The following SNTB2 variants were observed in gnomAD, a reference collection of about 807,000 sequenced individuals.
SNTB2 encodes beta-2-syntrophin.
SNTB2 carries 34 observed loss-of-function variants against 46.2 expected under a neutral mutation model. That is an observed-to-expected ratio of 0.74 (90% confidence interval 0.56 to 0.98). The LOEUF (loss-of-function observed/expected upper bound fraction) is 0.98. SNTB2 is among the 50% of genes least tolerant of loss of function. The probability of loss-of-function intolerance (pLI) is 0.00; values close to 1 mark genes in which losing one functional copy is unlikely to be tolerated. For missense variants in SNTB2, 603 were observed against 731.4 expected, an observed-to-expected ratio of 0.82 and a Z score of 2.02; for synonymous variants, 290 against 312.6, an observed-to-expected ratio of 0.93 and a Z score of 0.76.
In SNTB2 at chr16:69,298,643, T is replaced by C. The variant is rs182158473; in HGVS notation, c.1346-947T>C. Among the ~76,000 whole-genome samples, 466 of 146,500 alleles carry C rather than the reference T, an allele frequency of 3.2e-3. 3 individuals are homozygous for C. The highest frequency in any genetic ancestry group is 5.1e-3 in the Admixed American group (74 of 14,420). ...TGCAAGCAGTTATCCTGCCTCAGCC[T>C]CCCAAGTAGCTGGGATTACAGGCAT... On this transcript the variant is annotated intron_variant, in intron 5 of 6. Coordinates refer to ENST00000336278, the MANE Select transcript of SNTB2 (RefSeq NM_006750.4).
chr16:69,208,142 C>A (rs1408821928), intron 1 of SNTB2, among the ~76,000 whole-genome samples: 3 of 137,728 alleles, frequency 2.2e-5, no homozygotes, highest in African/African-American at 8.1e-5. Flanking sequence ...CACGGTGGCT[C>A]ATGCCTGTAA....
rs887165599 is a variant in SNTB2 at position 69,270,573 on chromosome 16, G to GT, written c.1148+297dup. On this transcript the variant is annotated intron_variant, in intron 4 of 6. Coordinates refer to ENST00000336278, the MANE Select transcript of SNTB2 (RefSeq NM_006750.4). ...CTTGCTTAGTCATGAAGATTATAGGGTTTTTTTTTCTTTATTTTATTGACT... is the reference window on the plus strand; with the variant it reads ...CTTGCTTAGTCATGAAGATTATAGGGTTTTTTTTTTCTTTATTTTATTGACT... 7.7e-4 allele frequency among the ~76,000 whole-genome samples: 116 copies of GT among 151,358 alleles called. 2 individuals are homozygous for GT. Among genetic ancestry groups the GT allele is most frequent in the Middle Eastern group, 6.8e-3 (2 of 292 alleles).
chr16:69,247,500 T>C (rs1007418414), intron 2 of SNTB2, among the ~76,000 whole-genome samples: 10 of 152,182 alleles, frequency 6.6e-5, no homozygotes, highest in Admixed American at 2.0e-4. Flanking sequence ...CAGGATGGAA[T>C]GGAGCACAGA....
At chr16:69,213,733 T>G (rs1434989679) in intron 1 of SNTB2, among the ~76,000 whole-genome samples, 5 of 149,728 alleles carry the variant, frequency 3.3e-5, no homozygotes, top group Non-Finnish European at 5.9e-5. Context: ...CTCCTGACCT[T>G]GTGTTCCACC....
intron 1 of SNTB2, among the ~76,000 whole-genome samples, chr16:69,193,794 G>A (rs1223007209): frequency 2.0e-5 from 3 of 152,114 alleles, no homozygotes; most frequent in Non-Finnish European, 2.9e-5. Flanking sequence ...GACAGGTCTC[G>A]GGACTTCAGG....
chr16:69,288,040 A>T (rs1038145977), intron 5 of SNTB2, among the ~76,000 whole-genome samples: 1 of 150,842 alleles, frequency 6.6e-6, no homozygotes, highest in Non-Finnish European at 1.5e-5. Context: ...AATGAGGTTT[A>T]AAAAAAAATA....
chr16:69,260,048 A>G lies in SNTB2; in HGVS notation c.795-2A>G. On this transcript the variant is annotated splice_acceptor_variant, in intron 2 of 6. Transcript: ENST00000336278. LOFTEE classifies it high-confidence loss of function. ...CTTTTTTTTTTTTCTTTTTCCACAC[A>G]GATTGATAGAGCTACATTCTCCTGA... 1.2e-6 allele frequency: 2 copies of G among 1,612,000 alleles called. No homozygotes were observed. Among genetic ancestry groups the G allele is most frequent in the Non-Finnish European group, 1.7e-6 (2 of 1,178,762 alleles).
chr16:69,242,890 G>A (rs1000065342), intron 1 of SNTB2, among the ~76,000 whole-genome samples: 5 of 151,980 alleles, frequency 3.3e-5, no homozygotes, highest in East Asian at 1.9e-4. Context: ...GCGTGGTGGC[G>A]GGCGCCTGTA....
At chr16:69,281,062 T>C (rs138420937) in intron 4 of SNTB2, among the ~76,000 whole-genome samples, 3,219 of 152,290 alleles carry the variant, frequency 0.021, 120 homozygotes, top group African/African-American at 0.073. Flanking sequence ...CCCAAAGTGC[T>C]GGGATTACAG....
At position 69,305,391 on chromosome 16, in the gene SNTB2, G is replaced by A. The variant is rs933716229; in HGVS notation, c.*4467G>A. The A allele has an allele frequency of 6.6e-6, 1 of 152,154 alleles. No homozygotes were observed. Among genetic ancestry groups the A allele is most frequent in the African/African-American group, 2.4e-5 (1 of 41,412 alleles). 9.4% of individuals were successfully genotyped at this position (152,154 alleles called of 1,614,324 possible). The stretch of plus-strand genomic sequence containing the variant: ...TTTCACTGGTTATAAGCTATTCCTT[G>A]TACATAATATTTAAACTATCCAAAT... On this transcript the variant is annotated 3_prime_UTR_variant, in exon 7 of 7. Transcript: ENST00000336278.
At chr16:69,221,767 C>T (rs1176957292) in intron 1 of SNTB2, among the ~76,000 whole-genome samples, 1 of 151,988 alleles carries the variant, frequency 6.6e-6, no homozygotes, top group Non-Finnish European at 1.5e-5. Flanking sequence ...CAGAATAAGA[C>T]TCTCTCTCAA....
intron 4 of SNTB2, among the ~76,000 whole-genome samples, chr16:69,282,745 T>G (rs914489378): frequency 1.3e-5 from 2 of 152,242 alleles, no homozygotes; most frequent in Non-Finnish European, 2.9e-5. Context: ...TTGATTTATT[T>G]AGATCATCTT....
At chr16:69,204,186 C>G (rs940995164) in intron 1 of SNTB2, among the ~76,000 whole-genome samples, 1 of 152,204 alleles carries the variant, frequency 6.6e-6, no homozygotes, top group Non-Finnish European at 1.5e-5. Context: ...GCTACTGTGC[C>G]TGGCCAGAAT....
At chr16:69,264,788 G>A (rs1466351887) in intron 3 of SNTB2, among the ~76,000 whole-genome samples, 3 of 152,076 alleles carry the variant, frequency 2.0e-5, no homozygotes, top group Admixed American at 6.6e-5. Flanking sequence ...CTCTTTGACA[G>A]CCTTATGCCA....
At chr16:69,194,234 A>G (rs546055977) in intron 1 of SNTB2, among the ~76,000 whole-genome samples, 3 of 152,300 alleles carry the variant, frequency 2.0e-5, no homozygotes, top group South Asian at 4.1e-4. Context: ...TATGCATGCT[A>G]TACATCTGCC....
intron 2 of SNTB2, among the ~76,000 whole-genome samples, chr16:69,250,070 C>T (rs865932119): frequency 5.9e-5 from 9 of 151,936 alleles, no homozygotes; most frequent in Non-Finnish European, 1.3e-4. Flanking sequence ...CTTTGCAAAA[C>T]TCTGTCTCAA....
In SNTB2 at chr16:69,187,630, G is replaced by A; in HGVS notation, c.464G>A (p.Arg155Gln). Residue 155 changes from arginine (R) to glutamine (Q), a missense_variant, in exon 1 of 7, where the codon CGG becomes CAG. Arg to Gln is a conservative substitution (Grantham distance 43). Around this residue, in one of 2 missense-constraint regions of SNTB2, gnomAD observed 537 missense variants for 692.4 expected, o/e 0.78. Transcript: ENST00000336278. ...CCCGGGCTGGCTGCCGACCAGAGCCGGGCGCTGCGGCTGGGCGACGCCATC... is the reference window on the plus strand; with the variant it reads ...CCCGGGCTGGCTGCCGACCAGAGCCAGGCGCTGCGGCTGGGCGACGCCATC... The part of the protein sequence containing the change: ...IFPGLAADQS[R>Q]ALRLGDAILS... 6.4e-7 allele frequency: 1 copy of A among 1,555,062 alleles called. No homozygotes were observed. Among genetic ancestry groups the A allele is most frequent in the South Asian group, 1.2e-5 (1 of 84,088 alleles).
At chr16:69,291,402 C>A (rs1965157858) in intron 5 of SNTB2, among the ~76,000 whole-genome samples, 2 of 152,204 alleles carry the variant, frequency 1.3e-5, no homozygotes, top group Non-Finnish European at 2.9e-5. Context: ...TAACCACCAG[C>A]AGTTCTCATT....
chr16:69,191,274 TGTG>T, intron 1 of SNTB2: 1 of 143,040 alleles, frequency 7.0e-6, no homozygotes, highest in East Asian at 2.1e-4. Flanking sequence ...AAAAACCAAG[TGTG>T]GTGGCTCATG....
Sources: allele counts gnomAD v4.1 joint callset (sites outside exome capture counted in the v4.1 genomes callset), GRCh38; gene constraint gnomAD v4.1.1; regional missense constraint gnomAD v4.1.1; transcripts MANE v1.5; gene names NCBI Gene and HGNC (gene_info 2026-07-23, HGNC 2026-07-21).